The following ERLIN1 variants were observed in gnomAD, a reference collection of about 807,000 sequenced individuals.
The protein encoded by ERLIN1 is ER lipid raft associated 1, also known as erlin-1.
Under a neutral mutation model 46.9 loss-of-function variants are expected in ERLIN1, and 24 were observed. The observed-to-expected ratio is 0.51, with a 90% CI of 0.37 to 0.72. The LOEUF is 0.72. Among genes scored for constraint, ERLIN1 ranks in the 30% least tolerant of loss-of-function variants. ERLIN1 has a pLI of 0.00. For synonymous variants in ERLIN1, 158 were observed against 143.2 expected (o/e 1.10, Z -0.74); for missense variants, 293 against 417.9 (o/e 0.70, Z 2.61).
At chr10:100,165,679 A>C (rs775664852) in intron 7 of ERLIN1, among the ~76,000 whole-genome samples, 1 of 152,088 alleles carries the variant, frequency 6.6e-6, no homozygotes, top group East Asian at 1.9e-4. Flanking sequence ...GAGCCACCGC[A>C]CCCAGCCTAA....
Position 100,154,911 on chromosome 10 carries a change from C to G in ERLIN1, c.774G>C (p.Ala258=). Reference sequence around the variant, plus strand: ...CAGCATAATATTCAGCATCTGCTTTCGCTTTCTCTCGGGCCAGGAATGCAG... The same window carrying G: ...CAGCATAATATTCAGCATCTGCTTTGGCTTTCTCTCGGGCCAGGAATGCAG... ...EDAAFLAREK[A]KADAEYYAAH... is the part of the protein sequence containing the mutation. Residue 258 remains alanine (A), a synonymous_variant, in exon 10 of 11, where the codon GCG becomes GCC. Transcript: ENST00000421367. 6.2e-7 allele frequency: 1 copy of G among 1,613,932 alleles called. No individual in the cohort carries two copies. Among genetic ancestry groups the G allele is most frequent in the South Asian group, 1.1e-5 (1 of 91,078 alleles).
At chr10:100,165,101 C>G (rs909201614) in intron 7 of ERLIN1, among the ~76,000 whole-genome samples, 3 of 152,110 alleles carry the variant, frequency 2.0e-5, no homozygotes, top group African/African-American at 7.2e-5. Flanking sequence ...TACTGGGTAA[C>G]CACGTGGCAG....
intron 6 of ERLIN1, among the ~76,000 whole-genome samples, chr10:100,172,261 T>C (rs975280029): frequency 1.4e-4 from 21 of 152,232 alleles, no homozygotes; most frequent in African/African-American, 4.8e-4. Context: ...TATGGTATGA[T>C]TCTGCTTTAG....
At chr10:100,171,865 AAG>A (rs1844016654) in intron 6 of ERLIN1, among the ~76,000 whole-genome samples, 1 of 152,248 alleles carries the variant, frequency 6.6e-6, no homozygotes. Context: ...CAAAAGGATT[AAG>A]AGAGAAAGGG....
chr10:100,164,015 T>C lies in ERLIN1; in HGVS notation c.644A>G (p.Lys215Arg). ...VEKEAETERK[K>R]AVIEAEKIAQ... Reference sequence around the variant, plus strand: ...AGAAATCCAAGTACCTATAACTGCCTTTTTCCTCTCTGTCTCAGCTTCTTT... The same window carrying C: ...AGAAATCCAAGTACCTATAACTGCCCTTTTCCTCTCTGTCTCAGCTTCTTT... The change falls in exon 8 of 11, where the codon AAG becomes AGG. Residue 215 changes from lysine to arginine, a missense_variant. Physicochemically the swap from Lys to Arg is conservative, Grantham distance 26 (BLOSUM62 2). Transcript: ENST00000421367. 6.2e-7 allele frequency: 1 copy of C among 1,608,596 alleles called. No individual in the cohort carries two copies. The highest frequency in any genetic ancestry group is 2.2e-5 in the East Asian group (1 of 44,824).
rs575245617 is a variant in ERLIN1, at chr10:100,178,392, A to AT, written c.243-199dup. ...TTTACACTTGTAATAGTCATTTAAAATAAGTAATTTAAAAAATACCTTGAA... is the reference window on the plus strand; with the variant it reads ...TTTACACTTGTAATAGTCATTTAAAATTAAGTAATTTAAAAAATACCTTGAA... On this transcript the variant is annotated intron_variant, in intron 3 of 10. Coordinates refer to ENST00000421367, the MANE Select transcript of ERLIN1 (RefSeq NM_006459.4). Among the ~76,000 whole-genome samples, 7 of 152,352 alleles carry AT rather than the reference A, an allele frequency of 4.6e-5. No individual in the cohort carries two copies. The East Asian group carries it at 1.3e-3, about 29-fold the overall frequency.
intron 8 of ERLIN1, 37 bp downstream of exon 8, chr10:100,163,967 G>A: frequency 2.2e-6 from 3 of 1,349,304 alleles, no homozygotes; most frequent in Non-Finnish European, 3.2e-6. Context: ...ACAAACAAAT[G>A]TACTTAGAGA....
intron 8 of ERLIN1, among the ~76,000 whole-genome samples, chr10:100,160,405 C>G (rs796528097): frequency 1.3e-5 from 2 of 152,162 alleles, no homozygotes; most frequent in African/African-American, 4.8e-5. Context: ...TGCTCTTCAA[C>G]TCATCTTGGG....
intron 10 of ERLIN1, among the ~76,000 whole-genome samples, chr10:100,152,892 C>T (rs1443868432): frequency 6.6e-6 from 1 of 151,908 alleles, no homozygotes; most frequent in African/African-American, 2.4e-5. Flanking sequence ...ACTCTGTTGC[C>T]CAGGCTGGAA....
rs1844942480 is a variant in ERLIN1 at position 100,185,841 on chromosome 10, C to T, written c.-215G>A. ...GCCCCCGGAGGCCAGTGGGCCGCCC[C>T]TGCTCGGTGAGCTTCCTGAAACTCC... On this transcript the variant is annotated 5_prime_UTR_variant, in exon 1 of 11. Coordinates refer to ENST00000421367, the MANE Select transcript of ERLIN1 (RefSeq NM_006459.4). 6.9e-6 allele frequency: 4 copies of T among 576,776 alleles called. No individual in the cohort carries two copies. The highest frequency in any genetic ancestry group is 3.1e-5 in the Admixed American group (1 of 31,770). The allele number at this position is 576,776 out of a possible 1,614,324, so 35.7% of individuals were successfully genotyped here.
At chr10:100,173,429 C>T in intron 6 of ERLIN1, among the ~76,000 whole-genome samples, 1 of 152,152 alleles carries the variant, frequency 6.6e-6, no homozygotes, top group East Asian at 1.9e-4. Flanking sequence ...ACACAAGTGT[C>T]ACAGAATATT....
At chr10:100,165,511 C>T (rs922422137) in intron 7 of ERLIN1, among the ~76,000 whole-genome samples, 4 of 151,572 alleles carry the variant, frequency 2.6e-5, no homozygotes, top group East Asian at 1.9e-4. Flanking sequence ...CTCAGCCTCC[C>T]GAGTAGCTGG....
intron 2 of ERLIN1, among the ~76,000 whole-genome samples, chr10:100,180,122 G>A (rs926009553): frequency 2.0e-5 from 3 of 152,180 alleles, no homozygotes; most frequent in Non-Finnish European, 2.9e-5. Flanking sequence ...GCTACCACCA[G>A]TACTGCTTCC....
At chr10:100,153,844 C>G (rs1384855882) in intron 10 of ERLIN1, among the ~76,000 whole-genome samples, 1 of 152,150 alleles carries the variant, frequency 6.6e-6, no homozygotes, top group Non-Finnish European at 1.5e-5. Context: ...TCCTGTCATG[C>G]CTTTCTTTTG....
At chr10:100,181,513 C>CTTTTTTT (rs34628060) in intron 2 of ERLIN1, among the ~76,000 whole-genome samples, 1 of 126,998 alleles carries the variant, frequency 7.9e-6, no homozygotes, top group African/African-American at 3.2e-5. Flanking sequence ...TAAGAACACT[C>CTTTTTTT]TTTTTTTTTT....
chr10:100,154,829 T>A lies in ERLIN1; in HGVS notation c.825+31A>T, dbSNP rs1186450964. On this transcript the variant is annotated intron_variant, in intron 10 of 10. Transcript: ENST00000421367. Reference sequence around the variant, plus strand: ...AGAGAAAGCAAAACCCCGAAATGCATCATTAGGAAAGTGGCCAGGGAGCCA... The same window carrying A: ...AGAGAAAGCAAAACCCCGAAATGCAACATTAGGAAAGTGGCCAGGGAGCCA... 1.9e-6 allele frequency: 3 copies of A among 1,576,822 alleles called. No homozygotes were observed. The African/African-American group carries it at 4.0e-5, about 21-fold the overall frequency.
chr10:100,164,961 G>A (rs1371663757), intron 7 of ERLIN1, among the ~76,000 whole-genome samples: 2 of 151,606 alleles, frequency 1.3e-5, no homozygotes, highest in Non-Finnish European at 2.9e-5. Flanking sequence ...ATCTCATTAT[G>A]TCTATGCAAA....
chr10:100,183,390 G>C (rs1844773545), intron 2 of ERLIN1, among the ~76,000 whole-genome samples: 1 of 152,170 alleles, frequency 6.6e-6, no homozygotes. Context: ...CCAGGAGCCT[G>C]CCTCTATGGA....
intron 2 of ERLIN1, among the ~76,000 whole-genome samples, chr10:100,181,129 G>C (rs192245642): frequency 6.6e-6 from 1 of 152,064 alleles, no homozygotes; most frequent in East Asian, 1.9e-4. Flanking sequence ...TTAAATACAC[G>C]TTCCTATTTA....
Sources: allele counts gnomAD v4.1 joint callset (sites outside exome capture counted in the v4.1 genomes callset), GRCh38; gene constraint gnomAD v4.1.1; transcripts MANE v1.5; gene names NCBI Gene and HGNC (gene_info 2026-07-23, HGNC 2026-07-21).